Variants in LARGE1 observed in about 807,000 individuals in gnomAD.
The protein encoded by LARGE1 is xylosyl- and glucuronyltransferase LARGE1.
LARGE1 carries 43 observed loss-of-function variants against 87.6 expected under a neutral mutation model. The observed-to-expected ratio is 0.49, with a 90% CI of 0.38 to 0.63. The LOEUF (loss-of-function observed/expected upper bound fraction) is 0.63, where lower values mean the gene tolerates loss of function less well. LARGE1 is among the 30% of genes least tolerant of loss of function. The pLI, the probability that LARGE1 is intolerant of heterozygous loss-of-function variation, is 0.00. For synonymous variants in LARGE1, 434 were observed against 394.6 expected (o/e 1.10, Z -1.18); for missense variants, 802 against 1,000.2 (o/e 0.80, Z 2.67).
chr22:33,424,446 A>T (rs2066803141), intron 7 of LARGE1, among the ~76,000 whole-genome samples: 1 of 152,210 alleles, frequency 6.6e-6, no homozygotes, highest in Non-Finnish European at 1.5e-5. Context: ...TTATGCAATG[A>T]CACACAGCAG....
intron 2 of LARGE1, among the ~76,000 whole-genome samples, chr22:33,701,561 T>A (rs1055104235): frequency 2.0e-5 from 3 of 152,182 alleles, no homozygotes; most frequent in African/African-American, 7.2e-5. Flanking sequence ...CAGCTCTAGG[T>A]TGAGGCCCCT....
At chr22:33,195,474 G>C (rs990270404) in intron 11 of LARGE1, among the ~76,000 whole-genome samples, 2 of 151,896 alleles carry the variant, frequency 1.3e-5, no homozygotes, top group South Asian at 2.1e-4. Flanking sequence ...AAATTACCCA[G>C]AATACTTATC....
intron 1 of LARGE1, chr22:33,889,181 G>C (rs1171881287): frequency 7.8e-6 from 1 of 128,608 alleles, no homozygotes; most frequent in African/African-American, 2.5e-5. Flanking sequence ...TTAATTTCGT[G>C]AGCTTTTTCT....
chr22:33,393,541 A>G (rs2065606845), intron 7 of LARGE1, among the ~76,000 whole-genome samples: 3 of 152,252 alleles, frequency 2.0e-5, no homozygotes, highest in Admixed American at 2.0e-4. Flanking sequence ...TTTTAAGCTG[A>G]AACAACACGG....
intron 7 of LARGE1, among the ~76,000 whole-genome samples, chr22:33,404,851 C>G (rs1167099447): frequency 6.6e-6 from 1 of 152,086 alleles, no homozygotes; most frequent in East Asian, 1.9e-4. Flanking sequence ...TGAACTTTCT[C>G]CCTAGCAAGG....
the LARGE1 span, among the ~76,000 whole-genome samples, chr22:33,079,614 A>G: frequency 5.3e-5 from 8 of 152,310 alleles, no homozygotes; most frequent in East Asian, 1.5e-3. Context: ...AAGATAGACT[A>G]GACTGGATCA....
At chr22:33,616,221 G>A (rs2079575077) in intron 4 of LARGE1, among the ~76,000 whole-genome samples, 1 of 152,066 alleles carries the variant, frequency 6.6e-6, no homozygotes, top group African/African-American at 2.4e-5. Context: ...GTCAAGAAGT[G>A]GATGGCCGGG....
At chr22:33,629,562 T>C (rs961218680) in intron 3 of LARGE1, among the ~76,000 whole-genome samples, 1 of 151,996 alleles carries the variant, frequency 6.6e-6, no homozygotes, top group East Asian at 1.9e-4. Flanking sequence ...TTAGAGGAGT[T>C]TTGGGTGTTC....
At chr22:33,453,785 T>A (rs1158575188) in intron 6 of LARGE1, among the ~76,000 whole-genome samples, 2 of 152,208 alleles carry the variant, frequency 1.3e-5, no homozygotes, top group Non-Finnish European at 2.9e-5. Flanking sequence ...CCACTAGAGA[T>A]CTGGGTTCTC....
At chr22:33,815,813 C>T (rs1208662864) in intron 1 of LARGE1, among the ~76,000 whole-genome samples, 1 of 152,146 alleles carries the variant, frequency 6.6e-6, no homozygotes, top group Non-Finnish European at 1.5e-5. Flanking sequence ...TGTGAGTGTG[C>T]AGTCTCATGC....
intron 2 of LARGE1, among the ~76,000 whole-genome samples, chr22:33,652,343 T>C (rs2080845106): frequency 6.6e-6 from 1 of 151,898 alleles, no homozygotes; most frequent in East Asian, 1.9e-4. Flanking sequence ...TTATAGGCTA[T>C]TCAGAGAGCT....
the LARGE1 span, among the ~76,000 whole-genome samples, chr22:33,148,552 T>G: frequency 2.0e-5 from 3 of 152,214 alleles, no homozygotes; most frequent in Non-Finnish European, 4.4e-5. Context: ...GCGCAAGTTT[T>G]GTTTGAACAT....
chr22:33,411,206 C>A (rs1391670229), intron 7 of LARGE1, among the ~76,000 whole-genome samples: 1 of 152,124 alleles, frequency 6.6e-6, no homozygotes, highest in Non-Finnish European at 1.5e-5. Context: ...GAACGGCCAC[C>A]CCCGTGTAAA....
intron 1 of LARGE1, among the ~76,000 whole-genome samples, chr22:33,779,601 G>A (rs970135240): frequency 2.6e-5 from 4 of 152,032 alleles, no homozygotes; most frequent in African/African-American, 7.2e-5. Context: ...CCAACATAGT[G>A]AAACCCCATC....
At chr22:33,436,655 C>T (rs1484478979) in intron 6 of LARGE1, 1 of 152,850 alleles carries the variant, frequency 6.5e-6, no homozygotes, top group Admixed American at 6.5e-5. Context: ...ACTCCTTCCA[C>T]ATCCATGGGG....
the LARGE1 span, among the ~76,000 whole-genome samples, chr22:33,086,330 G>A: frequency 1.4e-4 from 21 of 152,076 alleles, no homozygotes; most frequent in Non-Finnish European, 2.9e-4. Flanking sequence ...CCATATTTTA[G>A]GTCATGGGTT....
At chr22:33,842,961 C>A (rs899238428) in intron 1 of LARGE1, among the ~76,000 whole-genome samples, 2 of 146,356 alleles carry the variant, frequency 1.4e-5, no homozygotes, top group Non-Finnish European at 3.0e-5. Flanking sequence ...AACAAAAAAA[C>A]CACAACACCT....
At chr22:33,667,772 T>C (rs2081308243) in intron 2 of LARGE1, among the ~76,000 whole-genome samples, 1 of 152,226 alleles carries the variant, frequency 6.6e-6, no homozygotes, top group Non-Finnish European at 1.5e-5. Context: ...CTTTAGTTTA[T>C]CACATACAAA....
intron 1 of LARGE1, among the ~76,000 whole-genome samples, chr22:33,911,866 G>A (rs1330303583): frequency 2.0e-5 from 3 of 152,166 alleles, no homozygotes; most frequent in Admixed American, 6.5e-5. Context: ...GCTAGGAGAC[G>A]CCTTGAGGAG....
Sources: allele counts gnomAD v4.1 joint callset (sites outside exome capture counted in the v4.1 genomes callset), GRCh38; gene constraint gnomAD v4.1.1; transcripts MANE v1.5; gene names NCBI Gene and HGNC (gene_info 2026-07-23, HGNC 2026-07-21).